FIGNL2: variants seen among roughly 807,000 people sequenced by gnomAD.
FIGNL2 encodes the protein fidgetin-like protein 2.
For missense variants in FIGNL2, 1,060 were observed against 950.2 expected, an observed-to-expected ratio of 1.12 and a Z score of -1.52; for synonymous variants, 565 against 484.0, an observed-to-expected ratio of 1.17 and a Z score of -2.20.
Position 51,821,654 on chromosome 12 carries a change from TG to T in FIGNL2, c.759del (p.Thr254ArgfsTer12). The stretch of plus-strand genomic sequence containing the variant: ...CCGGATTCGGCACCCGGCGCGGCCG[TG>T]GGGAAGCCATAGGCGGTGGGCGGTG... ...APAPPTAYGF[P>X]TAAPGAESGL... On this transcript the variant is annotated frameshift_variant, in exon 2 of 2. Transcript: ENST00000618634. LOFTEE classifies it low-confidence loss of function (END_TRUNC). The T allele has an allele frequency of 6.9e-7, 1 of 1,456,356 alleles. No individual in the cohort carries two copies. 90.2% of individuals were successfully genotyped at this position (1,456,356 alleles called of 1,614,324 possible).
At chr12:51,823,270 A>G (rs1200167593) in intron 1 of FIGNL2, among the ~76,000 whole-genome samples, 1 of 152,250 alleles carries the variant, frequency 6.6e-6, no homozygotes, top group Admixed American at 6.5e-5. Flanking sequence ...GACCGCGGAA[A>G]GTTAATATAC....
rs1939801850 is a variant in FIGNL2, at chr12:51,848,592, C to T, written c.-64G>A. Reference sequence around the variant, plus strand: ...AGTGTGCGCGGCCTGGGGGCGCGTCCGGCCCGGGGACCGGGGCGGCGGCGC... The same window carrying T: ...AGTGTGCGCGGCCTGGGGGCGCGTCTGGCCCGGGGACCGGGGCGGCGGCGC... On this transcript the variant is annotated 5_prime_UTR_variant, in exon 1 of 2. Coordinates refer to ENST00000618634, the MANE Select transcript of FIGNL2 (RefSeq NM_001384995.1). The T allele has an allele frequency of 1.0e-6, 1 of 966,860 alleles. No individual in the cohort carries two copies. The highest frequency in any genetic ancestry group is 1.2e-6 in the Non-Finnish European group (1 of 813,498). 59.9% of individuals were successfully genotyped at this position (966,860 alleles called of 1,614,324 possible). A position where few individuals can be genotyped will look rare whatever the true frequency, so the allele number is the denominator to read the frequency against.
chr12:51,820,642 TGC>T lies in FIGNL2; in HGVS notation c.1770_1771del (p.Gln591GlyfsTer42). The T allele has an allele frequency of 6.6e-7, 1 of 1,522,696 alleles. No individual in the cohort carries two copies. The highest frequency in any genetic ancestry group is 8.8e-7 in the Non-Finnish European group (1 of 1,142,080). 94.3% of individuals were successfully genotyped at this position (1,522,696 alleles called of 1,614,324 possible). On this transcript the variant is annotated frameshift_variant, in exon 2 of 2. Coordinates refer to ENST00000618634, the MANE Select transcript of FIGNL2 (RefSeq NM_001384995.1). LOFTEE classifies it low-confidence loss of function (END_TRUNC). ...CCCCAGCTCGCCCCCAGAGAAGCCC[TGC>T]GTGCCCTGCACCAGCGCCGCCAGTT...
At position 51,822,233 on chromosome 12, in the gene FIGNL2, T is replaced by G; in HGVS notation, c.181A>C (p.Lys61Gln). 1 of 1,611,290 alleles carries G rather than the reference T, an allele frequency of 6.2e-7. No individual in the cohort carries two copies. The highest frequency in any genetic ancestry group is 8.5e-7 in the Non-Finnish European group (1 of 1,178,822). ...CCAGAGTACTTCTCTGCATAGCGCT[T>G]TAGGAGGTTGGAGGCAGTGAGGGCT... The part of the protein sequence containing the change: ...ISALTASNLL[K>Q]RYAEKYSGVL... The change falls in exon 2 of 2, where the codon AAG (lysine) becomes CAG (glutamine). Residue 61 changes from lysine to glutamine, a missense_variant. Physicochemically the swap from Lys to Gln is moderately conservative, Grantham distance 53. Coordinates refer to ENST00000618634, the MANE Select transcript of FIGNL2 (RefSeq NM_001384995.1).
chr12:51,825,619 CTTTTT>C (rs770930359), intron 1 of FIGNL2, among the ~76,000 whole-genome samples: 2 of 134,880 alleles, frequency 1.5e-5, no homozygotes, highest in Non-Finnish European at 3.2e-5. Context: ...CCATGACACT[CTTTTT>C]TTTTTTTTTT....
Position 51,822,437 on chromosome 12 carries a change from G to C in FIGNL2, c.-11-13C>G. On this transcript the variant is annotated splice_polypyrimidine_tract_variant and intron_variant, in intron 1 of 1. Coordinates refer to ENST00000618634, the MANE Select transcript of FIGNL2 (RefSeq NM_001384995.1). ...ATCTTCAACAGAGCTGCGGGCAAGA[G>C]ACAGGAGGTCTGGTGAGGTCTAGCC... is the stretch of plus-strand genomic sequence containing the variant. 2 of 1,612,608 alleles carry C rather than the reference G, an allele frequency of 1.2e-6. No individual in the cohort carries two copies. The highest frequency in any genetic ancestry group is 8.5e-7 in the Non-Finnish European group (1 of 1,179,526).
chr12:51,832,992 T>C (rs1361809827), intron 1 of FIGNL2, among the ~76,000 whole-genome samples: 1 of 152,190 alleles, frequency 6.6e-6, no homozygotes, highest in Non-Finnish European at 1.5e-5. Context: ...CTTCAATCAC[T>C]TCTCACCACC....
chr12:51,846,319 C>T (rs1939749093), intron 1 of FIGNL2, among the ~76,000 whole-genome samples: 1 of 152,100 alleles, frequency 6.6e-6, no homozygotes, highest in Admixed American at 6.5e-5. Context: ...AGGTGCGCAT[C>T]CGAGTTGGGC....
Position 51,821,527 on chromosome 12 carries a change from T to C in FIGNL2, c.887A>G (p.Tyr296Cys). 3 of 1,555,754 alleles carry C rather than the reference T, an allele frequency of 1.9e-6. No homozygotes were observed. The highest frequency in any genetic ancestry group is 2.3e-5 in the South Asian group (2 of 85,348). Residue 296 changes from tyrosine (Y) to cysteine (C), a missense_variant, in exon 2 of 2, where the codon TAC (tyrosine) becomes TGC (cysteine). Coordinates refer to ENST00000618634, the MANE Select transcript of FIGNL2 (RefSeq NM_001384995.1). ...AKAPVADGAS[Y>C]PAADNGECRG... ...ACATTCGCCGTTGTCCGCGGCGGGG[T>C]AGGAGGCTCCGTCAGCCACGGGGGC...
At position 51,821,878 on chromosome 12, in the gene FIGNL2, A is replaced by G. The variant is rs1939213579; in HGVS notation, c.536T>C (p.Leu179Pro). Residue 179 changes from leucine (L) to proline (P), a missense_variant, in exon 2 of 2, where the codon CTG becomes CCG. Physicochemically the swap from Leu to Pro is moderately conservative, Grantham distance 98. Coordinates refer to ENST00000618634, the MANE Select transcript of FIGNL2 (RefSeq NM_001384995.1). Reference protein sequence around the residue: ...PGYCAQTGAALPPPPPAALLQ... With the variant: ...PGYCAQTGAAPPPPPPAALLQ... The stretch of plus-strand genomic sequence containing the variant: ...GAGCGCGGCCGGGGGCGGCGGGGGC[A>G]GCGCGGCGCCCGTCTGCGCGCAGTA... 3 of 1,321,890 alleles carry G rather than the reference A, an allele frequency of 2.3e-6. No individual in the cohort carries two copies. Among genetic ancestry groups the G allele is most frequent in the Non-Finnish European group, 2.9e-6 (3 of 1,039,084 alleles). 81.9% of individuals were successfully genotyped at this position (1,321,890 alleles called of 1,614,324 possible). A position where few individuals can be genotyped will look rare whatever the true frequency, so the allele number is the denominator to read the frequency against.
At chr12:51,826,971 G>A (rs780232617) in intron 1 of FIGNL2, among the ~76,000 whole-genome samples, 5 of 152,226 alleles carry the variant, frequency 3.3e-5, no homozygotes, top group Non-Finnish European at 4.4e-5. Context: ...TGCCTGGCAC[G>A]CACATGTTTA....
In FIGNL2 at chr12:51,821,810, G is replaced by T; in HGVS notation, c.604C>A (p.Leu202Met). 7.8e-7 allele frequency: 1 copy of T among 1,275,442 alleles called. No individual in the cohort carries two copies. The allele number at this position is 1,275,442 out of a possible 1,614,324, so 79.0% of individuals were successfully genotyped here. ...PPPGYGPSAP[L>M]YNYPAGGYAA... Reference sequence around the variant, plus strand: ...TAGCCCCCTGCGGGATAGTTGTACAGCGGCGCTGAGGGCCCGTACCCCGGA... The same window carrying T: ...TAGCCCCCTGCGGGATAGTTGTACATCGGCGCTGAGGGCCCGTACCCCGGA... Residue 202 changes from leucine to methionine, a missense_variant, in exon 2 of 2, where the codon CTG becomes ATG. Leu to Met is a conservative substitution (Grantham distance 15). Transcript: ENST00000618634.
chr12:51,830,244 G>A (rs1401842919), intron 1 of FIGNL2, among the ~76,000 whole-genome samples: 1 of 150,504 alleles, frequency 6.6e-6, no homozygotes. Context: ...AGCTGAGATC[G>A]CGCCACTGCA....
chr12:51,833,924 A>G lies in FIGNL2; in HGVS notation c.-11-11500T>C, dbSNP rs188669703. On this transcript the variant is annotated intron_variant, in intron 1 of 1. Transcript: ENST00000618634. ...AGTGCCCGGCACAGATTAAGTTCTC[A>G]ATAGACTACAGGATGGATGGACAGA... 3.3e-5 allele frequency among the ~76,000 whole-genome samples: 5 copies of G among 150,676 alleles called. No individual in the cohort carries two copies. In the East Asian group the frequency reaches 9.7e-4, roughly 29 times the overall value.
rs1367756640 is a variant in FIGNL2 at position 51,818,441 on chromosome 12, C to T, written c.*2011G>A. On this transcript the variant is annotated 3_prime_UTR_variant, in exon 2 of 2. Coordinates refer to ENST00000618634, the MANE Select transcript of FIGNL2 (RefSeq NM_001384995.1). ...CTCACTCCATGCTCCCTCCGAGGGT[C>T]TTTTGCAGCCTGCGGCTGTGACCCG... 1 of 150,628 alleles carries T rather than the reference C, an allele frequency of 6.6e-6. No homozygotes were observed. The highest frequency in any genetic ancestry group is 2.4e-5 in the African/African-American group (1 of 41,094). 9.3% of individuals were successfully genotyped at this position (150,628 alleles called of 1,614,324 possible).
chr12:51,845,735 C>T (rs1415179733), intron 1 of FIGNL2: 8 of 932,784 alleles, frequency 8.6e-6, no homozygotes, highest in Non-Finnish European at 1.0e-5. Flanking sequence ...GAGGGGAAGG[C>T]AGGGCTCCTA....
intron 1 of FIGNL2, among the ~76,000 whole-genome samples, chr12:51,834,097 G>GTGGATGAATGGTTGGA (rs1939532880): frequency 2.3e-5 from 2 of 88,070 alleles, no homozygotes; most frequent in African/African-American, 7.1e-5. Flanking sequence ...AGACGGATGG[G>GTGGATGAATGGTTGGA]TGGATGGATG....
In FIGNL2 at chr12:51,818,134, G is replaced by T. The variant is rs1174932779; in HGVS notation, c.*2318C>A. On this transcript the variant is annotated 3_prime_UTR_variant, in exon 2 of 2. Transcript: ENST00000618634. ...TCACCCTCCCCACTCCCTGCCCCTG[G>T]ATTCTTTGGTATGCCTCCCCCCAGC... is the stretch of plus-strand genomic sequence containing the variant. 1.3e-5 allele frequency: 2 copies of T among 152,062 alleles called. No homozygotes were observed. The highest frequency in any genetic ancestry group is 4.8e-5 in the African/African-American group (2 of 41,358). The allele number at this position is 152,062 out of a possible 1,614,324, so 9.4% of individuals were successfully genotyped here. A position where few individuals can be genotyped will look rare whatever the true frequency, so the allele number is the denominator to read the frequency against.
intron 1 of FIGNL2, among the ~76,000 whole-genome samples, chr12:51,834,937 A>C (rs1007362769): frequency 2.6e-5 from 4 of 152,276 alleles, no homozygotes; most frequent in South Asian, 4.1e-4. Flanking sequence ...GGAAATGGAG[A>C]CTCAAGTGTG....
Sources: allele counts gnomAD v4.1 joint callset (sites outside exome capture counted in the v4.1 genomes callset), GRCh38; gene constraint gnomAD v4.1.1; transcripts MANE v1.5; gene names NCBI Gene and HGNC (gene_info 2026-07-23, HGNC 2026-07-21).